Variants in SLC1A2 observed in about 807,000 individuals in gnomAD.
The protein encoded by SLC1A2 is solute carrier family 1 member 2.
SLC1A2 carries 15 observed loss-of-function variants against 48.8 expected under a neutral mutation model. The ratio of observed to expected loss-of-function variants is 0.31; its 90% CI spans 0.21 to 0.47. The LOEUF is 0.47. SLC1A2 is among the 20% of genes least tolerant of loss of function. The pLI, the probability that SLC1A2 is intolerant of heterozygous loss-of-function variation, is 0.99. For missense variants in SLC1A2, 502 were observed against 730.5 expected (o/e 0.69, Z 3.61); for synonymous variants, 279 against 272.6 (o/e 1.02, Z -0.23).
intron 10 of SLC1A2, among the ~76,000 whole-genome samples, chr11:35,262,297 G>A (rs1004690987): frequency 1.3e-5 from 2 of 152,222 alleles, no homozygotes; most frequent in Non-Finnish European, 2.9e-5. Flanking sequence ...GCCTTTGAAA[G>A]ACCAGACAGC....
chr11:35,403,360 T>C (rs1339817364), intron 1 of SLC1A2, among the ~76,000 whole-genome samples: 2 of 152,196 alleles, frequency 1.3e-5, no homozygotes, highest in Non-Finnish European at 2.9e-5. Flanking sequence ...TCAGAAGCTG[T>C]TTTATGAAAG....
chr11:35,347,879 G>A (rs776589880), intron 1 of SLC1A2, among the ~76,000 whole-genome samples: 1 of 152,208 alleles, frequency 6.6e-6, no homozygotes, highest in South Asian at 2.1e-4. Context: ...AGCCACAAAT[G>A]TTTGTTAAAT....
In SLC1A2 at chr11:35,292,069, T is replaced by C. The variant is rs1403388682; in HGVS notation, c.1091+218A>G. 1.5e-5 allele frequency: 8 copies of C among 539,552 alleles called. No homozygotes were observed. In the East Asian group the frequency reaches 2.4e-4, roughly 16 times the overall value. The allele number at this position is 539,552 out of a possible 1,614,324, so 33.4% of individuals were successfully genotyped here. ...GAAAAATTTAATGTGAGATCGTATT[T>C]CCAATATAGTTGCAAACCAGCAAAA... On this transcript the variant is annotated intron_variant, in intron 7 of 10. Transcript: ENST00000278379.
chr11:35,401,467 T>G (rs1478653686), intron 1 of SLC1A2, among the ~76,000 whole-genome samples: 2 of 152,200 alleles, frequency 1.3e-5, no homozygotes, highest in African/African-American at 4.8e-5. Flanking sequence ...TTAATGCTAG[T>G]CAGCTGTACC....
At chr11:35,317,122 G>C (rs1362794060) in intron 2 of SLC1A2, 7 of 453,494 alleles carry the variant, frequency 1.5e-5, no homozygotes, top group African/African-American at 9.6e-5. Context: ...ATAAGTATAG[G>C]AATCCACATG....
intron 6 of SLC1A2, among the ~76,000 whole-genome samples, chr11:35,300,899 G>A (rs1214978608): frequency 6.6e-6 from 1 of 152,030 alleles, no homozygotes; most frequent in African/African-American, 2.4e-5. Context: ...TGCACCTGTA[G>A]TTCCAGCTAC....
intron 1 of SLC1A2, among the ~76,000 whole-genome samples, chr11:35,369,362 T>C (rs954454013): frequency 1.1e-4 from 16 of 152,320 alleles, no homozygotes; most frequent in Middle Eastern, 3.4e-3. Context: ...TGAGCTCTGA[T>C]TGTGTTGTAG....
intron 4 of SLC1A2, 100 bp from the exon 5 acceptor site, chr11:35,306,342 T>A: frequency 1.2e-6 from 1 of 809,814 alleles, no homozygotes; most frequent in Non-Finnish European, 1.9e-6. Context: ...TCCCAACAGG[T>A]TAACAATAAT....
chr11:35,266,930 T>C (rs1950494580), intron 9 of SLC1A2, among the ~76,000 whole-genome samples: 1 of 152,272 alleles, frequency 6.6e-6, no homozygotes, highest in Admixed American at 6.5e-5. Flanking sequence ...CGGGCCTGGC[T>C]CCTTTGCAAG....
intron 4 of SLC1A2, chr11:35,306,873 T>C (rs1851528717): frequency 6.6e-6 from 1 of 152,262 alleles, no homozygotes. Flanking sequence ...ATTTCATAAA[T>C]ATAGAATGTA....
chr11:35,301,139 A>C (rs767014867), intron 6 of SLC1A2, among the ~76,000 whole-genome samples: 2 of 152,218 alleles, frequency 1.3e-5, no homozygotes, highest in Non-Finnish European at 2.9e-5. Flanking sequence ...AGACCCAACC[A>C]TACTGGCACC....
chr11:35,396,232 G>A (rs1340916218), intron 1 of SLC1A2, among the ~76,000 whole-genome samples: 2 of 105,568 alleles, frequency 1.9e-5, no homozygotes, highest in African/African-American at 4.4e-5. Flanking sequence ...TCTAGTTCTA[G>A]ATCCCTGAGG....
At position 35,251,433 on chromosome 11, in the gene SLC1A2, T is replaced by A. The variant is rs1408798489; in HGVS notation, c.*9461A>T. On this transcript the variant is annotated 3_prime_UTR_variant, in exon 11 of 11. Coordinates refer to ENST00000278379, the MANE Select transcript of SLC1A2 (RefSeq NM_004171.4). Reference sequence around the variant, plus strand: ...GCTTCATCAACAAGGCATTTTCTAGTAGCATATATGAGAAACAATTCAAAA... The same window carrying A: ...GCTTCATCAACAAGGCATTTTCTAGAAGCATATATGAGAAACAATTCAAAA... The A allele has an allele frequency of 1.3e-5, 2 of 152,654 alleles. No homozygotes were observed. The highest frequency in any genetic ancestry group is 4.8e-5 in the African/African-American group (2 of 41,468). 9.5% of individuals were successfully genotyped at this position (152,654 alleles called of 1,614,324 possible). A position where few individuals can be genotyped will look rare whatever the true frequency, so the allele number is the denominator to read the frequency against.
At chr11:35,368,119 C>T (rs549704933) in intron 1 of SLC1A2, among the ~76,000 whole-genome samples, 148 of 152,302 alleles carry the variant, frequency 9.7e-4, no homozygotes, top group African/African-American at 3.2e-3. Context: ...TTTCTCACCC[C>T]ATGATAGGAC....
chr11:35,315,312 AC>A (rs990902293), intron 2 of SLC1A2, 137 bp from the exon 3 acceptor site: 12 of 591,954 alleles, frequency 2.0e-5, no homozygotes, highest in Non-Finnish European at 3.6e-5. Context: ...AACAAAAACA[AC>A]ATTAGATAAG....
chr11:35,315,829 A>G (rs1363504057), intron 2 of SLC1A2: 1 of 149,136 alleles, frequency 6.7e-6, no homozygotes, highest in Non-Finnish European at 1.5e-5. Context: ...AGAAAGAAAG[A>G]AAAAGAAAAA....
chr11:35,295,172 T>C (rs1851132605), intron 6 of SLC1A2, among the ~76,000 whole-genome samples: 1 of 152,096 alleles, frequency 6.6e-6, no homozygotes, highest in African/African-American at 2.4e-5. Flanking sequence ...CTCAGCCTCC[T>C]GAGTAGCTAA....
intron 9 of SLC1A2, among the ~76,000 whole-genome samples, chr11:35,274,581 A>G (rs540763544): frequency 3.3e-5 from 5 of 151,736 alleles, no homozygotes; most frequent in South Asian, 4.2e-4. Context: ...GTGTGTGTGC[A>G]TGTGCATGTG....
intron 1 of SLC1A2, chr11:35,390,753 C>G (rs1854741477): frequency 6.6e-6 from 1 of 151,670 alleles, no homozygotes; most frequent in Non-Finnish European, 1.5e-5. Context: ...GCAACTTCCG[C>G]CTCCCTGGTT....
Sources: allele counts gnomAD v4.1 joint callset (sites outside exome capture counted in the v4.1 genomes callset), GRCh38; gene constraint gnomAD v4.1.1; transcripts MANE v1.5; gene names NCBI Gene and HGNC (gene_info 2026-07-23, HGNC 2026-07-21).